Variants in PIBF1 observed in about 807,000 individuals in gnomAD.
PIBF1 encodes the protein progesterone immunomodulatory binding factor 1, also known as progesterone-induced-blocking factor 1.
A neutral mutation model predicts 112.5 loss-of-function variants in PIBF1; 90 were observed. That is an observed-to-expected ratio of 0.80 (90% confidence interval 0.67 to 0.95). The LOEUF (loss-of-function observed/expected upper bound fraction) is 0.95, where lower values mean the gene tolerates loss of function less well. Ranked by LOEUF, PIBF1 falls within the 40% of genes least tolerant of loss-of-function variation. The pLI is 0.00. For missense variants in PIBF1, 915 were observed against 852.3 expected, an observed-to-expected ratio of 1.07 and a Z score of -0.92; for synonymous variants, 301 against 288.6, an observed-to-expected ratio of 1.04 and a Z score of -0.44.
intron 11 of PIBF1, among the ~76,000 whole-genome samples, chr13:72,903,342 T>C (rs1229361779): frequency 6.6e-6 from 1 of 152,198 alleles, no homozygotes; most frequent in African/African-American, 2.4e-5. Context: ...GTTAATTGAA[T>C]TGATAGTATG....
chr13:72,796,098 T>C (rs1400589944), intron 4 of PIBF1, among the ~76,000 whole-genome samples: 9 of 152,204 alleles, frequency 5.9e-5, no homozygotes, highest in Non-Finnish European at 1.3e-4. Context: ...TATCTATTAA[T>C]ATTTACCATA....
At chr13:72,980,024 A>G (rs1017907018) in intron 16 of PIBF1, among the ~76,000 whole-genome samples, 1 of 152,174 alleles carries the variant, frequency 6.6e-6, no homozygotes, top group Non-Finnish European at 1.5e-5. Context: ...ATTGATGCCT[A>G]GGTTTTTGGC....
intron 14 of PIBF1, among the ~76,000 whole-genome samples, chr13:72,932,424 C>T (rs932255368): frequency 3.3e-5 from 5 of 152,014 alleles, no homozygotes; most frequent in Non-Finnish European, 5.9e-5. Flanking sequence ...CCTCAAATTT[C>T]GAAAGACCAG....
intron 13 of PIBF1, among the ~76,000 whole-genome samples, chr13:72,929,402 A>C (rs1358068400): frequency 6.6e-6 from 1 of 152,168 alleles, no homozygotes; most frequent in Non-Finnish European, 1.5e-5. Flanking sequence ...ATAAACTGTA[A>C]ACTCCTTAAA....
intron 10 of PIBF1, chr13:72,884,302 A>G (rs1281500722): frequency 2.0e-5 from 3 of 152,184 alleles, no homozygotes; most frequent in Non-Finnish European, 4.4e-5. Context: ...AGTATAATAA[A>G]TGCCTTTAAA....
At chr13:72,804,548 G>A (rs1407773529) in intron 5 of PIBF1, among the ~76,000 whole-genome samples, 1 of 152,160 alleles carries the variant, frequency 6.6e-6, no homozygotes, top group African/African-American at 2.4e-5. Context: ...CACCTTAGGG[G>A]AGAGGGGAGG....
At position 73,015,512 on chromosome 13, in the gene PIBF1, G is replaced by A. The variant is rs1271455152; in HGVS notation, c.2224-357G>A. 3.3e-5 allele frequency among the ~76,000 whole-genome samples: 5 copies of A among 151,926 alleles called. No individual in the cohort carries two copies. In the East Asian group the frequency reaches 9.6e-4, roughly 29 times the overall value. On this transcript the variant is annotated intron_variant, in intron 17 of 17. Transcript: ENST00000326291. ...ATTATTTAATAAATATCTATTGAGT[G>A]AATGAATATCTATTATCTATATAGA...
At chr13:72,941,065 G>T (rs529165183) in intron 14 of PIBF1, among the ~76,000 whole-genome samples, 16 of 152,294 alleles carry the variant, frequency 1.1e-4, no homozygotes, top group African/African-American at 3.8e-4. Flanking sequence ...GACAGGCTCT[G>T]CCTTAATTCT....
chr13:72,796,947 C>T (rs2035228755), intron 4 of PIBF1, among the ~76,000 whole-genome samples: 1 of 152,086 alleles, frequency 6.6e-6, no homozygotes, highest in African/African-American at 2.4e-5. Flanking sequence ...GTAATACCGT[C>T]ATATGTTAAG....
intron 9 of PIBF1, among the ~76,000 whole-genome samples, chr13:72,847,353 G>T (rs2037921917): frequency 6.6e-6 from 1 of 152,140 alleles, no homozygotes; most frequent in African/African-American, 2.4e-5. Context: ...AAGTTTATTG[G>T]CTCACAGGTC....
chr13:73,013,319 A>AAG lies in PIBF1; in HGVS notation c.2224-2549_2224-2548insGA, dbSNP rs1555333863. Among the ~76,000 whole-genome samples the AAG allele has an allele frequency of 3.2e-4, 42 of 130,610 alleles. 2 individuals are homozygous for AAG. Among genetic ancestry groups the AAG allele is most frequent in the Admixed American group, 8.1e-4 (10 of 12,280 alleles). 85.7% of individuals were successfully genotyped at this position (130,610 alleles called of 152,430 possible). On this transcript the variant is annotated intron_variant, in intron 17 of 17. Coordinates refer to ENST00000326291, the MANE Select transcript of PIBF1 (RefSeq NM_006346.4). ...CTGTCTCAAAAAAAAAAAAAAAAAA[A>AAG]AAAAAAAGAAAATATTAGAAGGAGA...
chr13:72,929,786 T>C (rs1461434065), intron 13 of PIBF1, among the ~76,000 whole-genome samples: 1 of 152,190 alleles, frequency 6.6e-6, no homozygotes, highest in Non-Finnish European at 1.5e-5. Flanking sequence ...TTATAAACTT[T>C]TGCCAGAACT....
intron 9 of PIBF1, among the ~76,000 whole-genome samples, chr13:72,851,889 C>A (rs2182123): frequency 1.2e-4 from 19 of 152,098 alleles, no homozygotes; most frequent in African/African-American, 4.1e-4. Flanking sequence ...GATGTAGAGA[C>A]AACCTGCCTG....
intron 10 of PIBF1, among the ~76,000 whole-genome samples, chr13:72,860,318 T>A (rs1450688327): frequency 4.0e-4 from 30 of 74,112 alleles, no homozygotes; most frequent in Non-Finnish European, 8.3e-4. Flanking sequence ...GGTGTGTGTG[T>A]GTGTGTGTGT....
intron 10 of PIBF1, among the ~76,000 whole-genome samples, chr13:72,878,858 G>A (rs946456654): frequency 1.3e-5 from 2 of 152,120 alleles, no homozygotes; most frequent in African/African-American, 4.8e-5. Context: ...TTATCATGTA[G>A]TGCCCCTCTT....
intron 5 of PIBF1, among the ~76,000 whole-genome samples, chr13:72,821,384 C>G (rs138254103): frequency 7.2e-5 from 11 of 152,224 alleles, no homozygotes; most frequent in African/African-American, 2.6e-4. Context: ...CTGAGTAACA[C>G]AATTGGAACT....
chr13:72,997,742 A>G (rs1226284930), intron 16 of PIBF1, among the ~76,000 whole-genome samples: 3 of 152,236 alleles, frequency 2.0e-5, no homozygotes, highest in Non-Finnish European at 1.5e-5. Flanking sequence ...AAGATACAAT[A>G]AGATAATAGG....
chr13:73,009,055 C>T (rs1036043180), intron 17 of PIBF1, among the ~76,000 whole-genome samples: 1 of 152,202 alleles, frequency 6.6e-6, no homozygotes, highest in African/African-American at 2.4e-5. Flanking sequence ...CTTCCTTTCT[C>T]TTCAACCATC....
At chr13:72,882,895 C>T (rs1249355533) in intron 10 of PIBF1, among the ~76,000 whole-genome samples, 1 of 152,176 alleles carries the variant, frequency 6.6e-6, no homozygotes, top group Non-Finnish European at 1.5e-5. Context: ...CCTCAAAAAA[C>T]TAAAAGTAGA....
Sources: allele counts gnomAD v4.1 joint callset (sites outside exome capture counted in the v4.1 genomes callset), GRCh38; gene constraint gnomAD v4.1.1; transcripts MANE v1.5; gene names NCBI Gene and HGNC (gene_info 2026-07-23, HGNC 2026-07-21).